The following FGF14 variants were observed in gnomAD, a reference collection of about 807,000 sequenced individuals.
FGF14 encodes fibroblast growth factor 14, also known as fibroblast growth factor homologous factor 4.
In FGF14, 5 loss-of-function variants were observed where a neutral mutation model predicts 25.5. The observed-to-expected ratio is 0.20, with a 90% CI of 0.10 to 0.41. The LOEUF is 0.41. Among genes scored for constraint, FGF14 ranks in the 10% least tolerant of loss-of-function variants. The probability of loss-of-function intolerance (pLI) is 1.00; values close to 1 mark genes in which losing one functional copy is unlikely to be tolerated. For missense variants in FGF14, 222 were observed against 320.1 expected (o/e 0.69, Z 2.34); for synonymous variants, 138 against 118.3 (o/e 1.17, Z -1.08).
intron 1 of FGF14, among the ~76,000 whole-genome samples, chr13:102,279,960 C>A (rs2141207726): frequency 6.6e-6 from 1 of 152,324 alleles, no homozygotes; most frequent in East Asian, 1.9e-4. Flanking sequence ...AACAGACTGA[C>A]TTGGAGACAT....
chr13:101,950,743 CTAATCA>C (rs1280150892), intron 1 of FGF14, among the ~76,000 whole-genome samples: 2 of 134,524 alleles, frequency 1.5e-5, no homozygotes, highest in Non-Finnish European at 3.0e-5. Flanking sequence ...AACAGAAAAC[CTAATCA>C]TGTTTTTTTT....
chr13:102,312,149 C>T (rs552777766), intron 1 of FGF14, among the ~76,000 whole-genome samples: 1 of 151,026 alleles, frequency 6.6e-6, no homozygotes, highest in East Asian at 1.9e-4. Context: ...ATTTATGAAA[C>T]CATTATTGTC....
At chr13:101,909,114 T>G (rs991638980) in intron 1 of FGF14, among the ~76,000 whole-genome samples, 17 of 152,028 alleles carry the variant, frequency 1.1e-4, no homozygotes, top group African/African-American at 1.7e-4. Flanking sequence ...AGACTTAAAC[T>G]TTAGACCTAA....
chr13:102,005,658 T>C (rs2039745768), intron 1 of FGF14, among the ~76,000 whole-genome samples: 3 of 152,266 alleles, frequency 2.0e-5, no homozygotes, highest in South Asian at 2.1e-4. Flanking sequence ...TCAGCACCAA[T>C]AAAACACGGA....
intron 1 of FGF14, among the ~76,000 whole-genome samples, chr13:102,082,564 A>G (rs1341426890): frequency 6.6e-6 from 1 of 152,244 alleles, no homozygotes; most frequent in Non-Finnish European, 1.5e-5. Context: ...ACAAAACATG[A>G]AAATGGGGCC....
chr13:102,217,357 T>A (rs2050418543), intron 1 of FGF14, among the ~76,000 whole-genome samples: 2 of 152,144 alleles, frequency 1.3e-5, no homozygotes, highest in African/African-American at 4.8e-5. Context: ...TGGAGAAGAA[T>A]AAGCCACTAT....
intron 1 of FGF14, among the ~76,000 whole-genome samples, chr13:102,312,338 C>G (rs965602029): frequency 2.0e-5 from 3 of 151,072 alleles, no homozygotes; most frequent in African/African-American, 7.3e-5. Flanking sequence ...TACCAATTTT[C>G]AAAAATACTA....
intron 1 of FGF14, among the ~76,000 whole-genome samples, chr13:102,305,937 T>C (rs2055350679): frequency 6.6e-6 from 1 of 152,166 alleles, no homozygotes; most frequent in Non-Finnish European, 1.5e-5. Context: ...GGCTTCTCTT[T>C]TGAAGCCCTG....
chr13:101,770,770 A>G (rs185743565), intron 3 of FGF14, among the ~76,000 whole-genome samples: 4 of 152,246 alleles, frequency 2.6e-5, no homozygotes, highest in Admixed American at 2.6e-4. Context: ...TTTGGAGCAA[A>G]TGGACAGAAC....
At chr13:102,077,268 C>T (rs977617524) in intron 1 of FGF14, among the ~76,000 whole-genome samples, 1 of 151,986 alleles carries the variant, frequency 6.6e-6, no homozygotes, top group African/African-American at 2.4e-5. Context: ...GCCAAAAGCA[C>T]AGGCAACAAA....
At chr13:102,196,138 C>T (rs1036651550) in intron 1 of FGF14, among the ~76,000 whole-genome samples, 6 of 152,140 alleles carry the variant, frequency 3.9e-5, no homozygotes, top group African/African-American at 7.2e-5. Flanking sequence ...TTGGTAAAGT[C>T]ATTAGAAACC....
intron 1 of FGF14, among the ~76,000 whole-genome samples, chr13:102,082,038 GATGTTATGA>G: frequency 6.6e-6 from 1 of 152,030 alleles, no homozygotes; most frequent in East Asian, 1.9e-4. Flanking sequence ...TCCATATCAG[GATGTTATGA>G]ATTTACCCAT....
intron 1 of FGF14, among the ~76,000 whole-genome samples, chr13:102,040,321 ATTTGTC>A (rs1297972446): frequency 6.6e-6 from 1 of 152,046 alleles, no homozygotes; most frequent in Non-Finnish European, 1.5e-5. Context: ...AAATAATCAT[ATTTGTC>A]TTTTTTTCTC....
chr13:101,942,450 T>G (rs561878938), intron 1 of FGF14, among the ~76,000 whole-genome samples: 7 of 152,328 alleles, frequency 4.6e-5, no homozygotes, highest in South Asian at 2.1e-4. Context: ...AGTTAAAAAT[T>G]TAGTACTCAT....
chr13:102,360,712 C>T (rs1335378993), intron 1 of FGF14, among the ~76,000 whole-genome samples: 1 of 152,110 alleles, frequency 6.6e-6, no homozygotes, highest in African/African-American at 2.4e-5. Flanking sequence ...GCAAAATTAT[C>T]AGACTGTCCA....
At chr13:102,147,981 T>C (rs887257140) in intron 1 of FGF14, among the ~76,000 whole-genome samples, 7 of 152,224 alleles carry the variant, frequency 4.6e-5, no homozygotes, top group African/African-American at 1.7e-4. Context: ...ATGTCCAAAA[T>C]GTAGCAATTT....
intron 1 of FGF14, among the ~76,000 whole-genome samples, chr13:101,981,222 T>A (rs1010510184): frequency 1.3e-5 from 2 of 151,584 alleles, no homozygotes; most frequent in African/African-American, 4.8e-5. Context: ...AGAGGTTCCA[T>A]TGAGCCGAGA....
chr13:101,854,274 TA>T (rs1158780162), intron 3 of FGF14, among the ~76,000 whole-genome samples: 2 of 152,136 alleles, frequency 1.3e-5, no homozygotes, highest in African/African-American at 4.8e-5. Flanking sequence ...ATCATAATTT[TA>T]GTCTTCCTAA....
chr13:102,259,216 C>G (rs915759802), intron 1 of FGF14, among the ~76,000 whole-genome samples: 2 of 152,166 alleles, frequency 1.3e-5, no homozygotes, highest in Non-Finnish European at 2.9e-5. Context: ...CTGGCCTCAG[C>G]TCATCCCTCC....
Sources: gnomAD v4.1 joint callset for allele counts (sites outside exome capture counted in the v4.1 genomes callset) on GRCh38, gnomAD v4.1.1 for gene constraint, MANE v1.5 for transcripts, NCBI Gene and HGNC (gene_info 2026-07-23, HGNC 2026-07-21) for gene names.